CSMD1: variants seen among roughly 807,000 people sequenced by gnomAD.
CSMD1 encodes CUB and sushi domain-containing protein 1.
Under a neutral mutation model 417.5 loss-of-function variants are expected in CSMD1, and 213 were observed. The ratio of observed to expected loss-of-function variants is 0.51; its 90% confidence interval spans 0.46 to 0.57. The LOEUF (loss-of-function observed/expected upper bound fraction) is 0.57, where lower values mean the gene tolerates loss of function less well. Among genes scored for constraint, CSMD1 ranks in the 20% least tolerant of loss-of-function variants. The pLI, the probability that CSMD1 is intolerant of heterozygous loss-of-function variation, is 0.00. For synonymous variants in CSMD1, 2,862 were observed against 1,736.8 expected (o/e 1.65, Z -16.11); for missense variants, 6,923 against 4,529.7 (o/e 1.53, Z -15.17).
chr8:3,907,012 C>A (rs762275233), intron 5 of CSMD1, among the ~76,000 whole-genome samples: 3 of 152,124 alleles, frequency 2.0e-5, no homozygotes, highest in Admixed American at 6.5e-5. Context: ...TTCATATTGC[C>A]CTTTCATAGA....
At chr8:4,864,961 ATAT>A (rs34131659) in intron 1 of CSMD1, among the ~76,000 whole-genome samples, 128,160 of 150,340 alleles carry the variant, frequency 0.85, 56,642 homozygotes, top group East Asian at 0.96. Flanking sequence ...ACATATTTAA[ATAT>A]TATAATATTA....
intron 5 of CSMD1, among the ~76,000 whole-genome samples, chr8:3,917,573 G>A (rs1211529599): frequency 6.6e-6 from 1 of 151,016 alleles, no homozygotes; most frequent in Non-Finnish European, 1.5e-5. Flanking sequence ...CAAAATATTT[G>A]CAACTAGTTG....
chr8:3,973,898 C>A (rs1813243265), intron 5 of CSMD1, among the ~76,000 whole-genome samples: 1 of 152,112 alleles, frequency 6.6e-6, no homozygotes, highest in African/African-American at 2.4e-5. Context: ...TGATGGGTTA[C>A]ATGAAATGTT....
intron 1 of CSMD1, among the ~76,000 whole-genome samples, chr8:4,778,155 A>T (rs118130440): frequency 6.6e-6 from 1 of 152,344 alleles, no homozygotes; most frequent in East Asian, 1.9e-4. Flanking sequence ...TATACATTAC[A>T]TATAAAACAA....
intron 2 of CSMD1, 99 bp from the exon 3 acceptor site, chr8:4,420,164 T>G (rs1585046842): frequency 1.4e-6 from 1 of 735,222 alleles, no homozygotes; most frequent in African/African-American, 1.8e-5. Context: ...CAGTGGTATA[T>G]TCACTTGAAA....
At chr8:3,790,836 G>C (rs1563082678) in intron 5 of CSMD1, among the ~76,000 whole-genome samples, 1 of 152,156 alleles carries the variant, frequency 6.6e-6, no homozygotes, top group Non-Finnish European at 1.5e-5. Context: ...TCAGAGCCCT[G>C]AGTAACCGTC....
At chr8:4,078,896 AATATATATATAT>A (rs1173719388) in intron 3 of CSMD1, among the ~76,000 whole-genome samples, 82 of 43,516 alleles carry the variant, frequency 1.9e-3, no homozygotes, top group Admixed American at 8.5e-3. Flanking sequence ...AATAATAATA[AATATATATATAT>A]ATATATATAT....
intron 3 of CSMD1, among the ~76,000 whole-genome samples, chr8:4,310,690 A>G (rs965530920): frequency 6.6e-6 from 1 of 152,172 alleles, no homozygotes; most frequent in African/African-American, 2.4e-5. Context: ...AAGACACAAC[A>G]ACCATAGAAC....
At chr8:4,731,509 C>T (rs1349530767) in intron 1 of CSMD1, among the ~76,000 whole-genome samples, 2 of 152,156 alleles carry the variant, frequency 1.3e-5, no homozygotes, top group Non-Finnish European at 1.5e-5. Context: ...TATATGATGT[C>T]ATAACTTTCC....
intron 3 of CSMD1, among the ~76,000 whole-genome samples, chr8:4,124,653 G>C (rs575388540): frequency 3.8e-4 from 58 of 152,338 alleles, no homozygotes; most frequent in Admixed American, 1.7e-3. Flanking sequence ...GTGAAAGTGA[G>C]GGACTAAGTG....
intron 5 of CSMD1, among the ~76,000 whole-genome samples, chr8:3,987,313 C>A (rs56354451): frequency 3.9e-4 from 60 of 151,922 alleles, no homozygotes; most frequent in African/African-American, 1.4e-3. Context: ...CTGAGCAGTG[C>A]TTTCTTTCTC....
At chr8:4,553,743 G>C (rs1230287166) in intron 2 of CSMD1, among the ~76,000 whole-genome samples, 2 of 152,166 alleles carry the variant, frequency 1.3e-5, no homozygotes, top group African/African-American at 4.8e-5. Flanking sequence ...TTAGTGTACA[G>C]AATATTTCTA....
intron 3 of CSMD1, among the ~76,000 whole-genome samples, chr8:4,135,154 A>G (rs1200898280): frequency 6.6e-6 from 1 of 152,206 alleles, no homozygotes; most frequent in African/African-American, 2.4e-5. Flanking sequence ...ATTCTGGTAC[A>G]ATCACTATAA....
rs1008575461 is a variant in CSMD1 at position 2,937,459 on chromosome 8, A to T, written c.*1126T>A. The T allele has an allele frequency of 7.9e-5, 12 of 151,958 alleles. No individual in the cohort carries two copies. The highest frequency in any genetic ancestry group is 1.3e-4 in the Non-Finnish European group (9 of 67,978). The allele number at this position is 151,958 out of a possible 1,614,324, so 9.4% of individuals were successfully genotyped here. A position where few individuals can be genotyped will look rare whatever the true frequency, so the allele number is the denominator to read the frequency against. On this transcript the variant is annotated 3_prime_UTR_variant, in exon 70 of 70. Coordinates refer to ENST00000635120, the MANE Select transcript of CSMD1 (RefSeq NM_033225.6). ...AGACAAAAAAAAAAAAAAACAAAAAAAAAACACTGCAAAAGGGAAGGCTGC... is the reference window on the plus strand; with the variant it reads ...AGACAAAAAAAAAAAAAAACAAAAATAAAACACTGCAAAAGGGAAGGCTGC...
At chr8:4,791,966 T>C (rs150780859) in intron 1 of CSMD1, among the ~76,000 whole-genome samples, 1 of 152,200 alleles carries the variant, frequency 6.6e-6, no homozygotes, top group Non-Finnish European at 1.5e-5. Flanking sequence ...AATACAAGAT[T>C]GTTTATCCAA....
intron 3 of CSMD1, among the ~76,000 whole-genome samples, chr8:4,180,568 A>C (rs181159825): frequency 5.9e-5 from 9 of 152,058 alleles, no homozygotes; most frequent in African/African-American, 1.9e-4. Context: ...CCTAAAACTT[A>C]AAGTATAATA....
intron 1 of CSMD1, among the ~76,000 whole-genome samples, chr8:4,705,957 C>G (rs1049560064): frequency 6.6e-6 from 1 of 151,810 alleles, no homozygotes; most frequent in Non-Finnish European, 1.5e-5. Context: ...CTTCAACAAA[C>G]CTCTGGATAA....
intron 3 of CSMD1, among the ~76,000 whole-genome samples, chr8:4,173,940 C>T (rs1455542628): frequency 6.6e-6 from 1 of 152,080 alleles, no homozygotes; most frequent in Non-Finnish European, 1.5e-5. Context: ...CTTCTTCCCT[C>T]AGCCTTGAAA....
chr8:4,290,657 T>G (rs1409275032), intron 3 of CSMD1, among the ~76,000 whole-genome samples: 1 of 152,228 alleles, frequency 6.6e-6, no homozygotes, highest in Admixed American at 6.5e-5. Context: ...TATTCATAAT[T>G]ATGATCCAGG....
Sources: allele counts gnomAD v4.1 joint callset (sites outside exome capture counted in the v4.1 genomes callset), GRCh38; gene constraint gnomAD v4.1.1; transcripts MANE v1.5; gene names NCBI Gene and HGNC (gene_info 2026-07-23, HGNC 2026-07-21).